Variants in CTNND2 observed in about 807,000 individuals in gnomAD.
The protein encoded by CTNND2 is catenin delta-2.
Under a neutral mutation model 144.4 loss-of-function variants are expected in CTNND2, and 22 were observed. That is an observed-to-expected ratio of 0.15 (90% confidence interval 0.11 to 0.22). The LOEUF (loss-of-function observed/expected upper bound fraction) is 0.22, where lower values mean the gene tolerates loss of function less well. CTNND2 is among the 10% of genes least tolerant of loss of function. The pLI is 1.00. For synonymous variants in CTNND2, 751 were observed against 695.6 expected, an observed-to-expected ratio of 1.08 and a Z score of -1.25; for missense variants, 1,353 against 1,618.8, an observed-to-expected ratio of 0.84 and a Z score of 2.82.
In CTNND2 at chr5:11,385,012, G is replaced by A; in HGVS notation, c.830C>T (p.Pro277Leu). The change falls in exon 7 of 22, where the codon CCC (proline) becomes CTC (leucine). Residue 277 changes from proline to leucine, a missense_variant. Around this residue, in one of 4 missense-constraint regions of CTNND2, gnomAD observed 708 missense variants for 706.4 expected, o/e 1.00. Transcript: ENST00000304623. ...SPLAAPQGGS[P>L]TKLQRGGSAP... ...CGAGCCGCCGCGCTGCAGCTTGGTGGGCGAACCGCCCTGGGGCGCGGCCAG... is the reference window on the plus strand; with the variant it reads ...CGAGCCGCCGCGCTGCAGCTTGGTGAGCGAACCGCCCTGGGGCGCGGCCAG... 6.8e-7 allele frequency: 1 copy of A among 1,470,230 alleles called. No homozygotes were observed. The highest frequency in any genetic ancestry group is 8.9e-7 in the Non-Finnish European group (1 of 1,117,918). The allele number at this position is 1,470,230 out of a possible 1,614,324, so 91.1% of individuals were successfully genotyped here. A position where few individuals can be genotyped will look rare whatever the true frequency, so the allele number is the denominator to read the frequency against.
At chr5:11,595,382 T>C (rs2561624) in intron 2 of CTNND2, among the ~76,000 whole-genome samples, 75,832 of 152,064 alleles carry the variant, frequency 0.5, 19,773 homozygotes, top group Middle Eastern at 0.7. Context: ...ATGTATATGT[T>C]ATCACACACT....
At chr5:11,379,353 T>C (rs954159523) in intron 7 of CTNND2, among the ~76,000 whole-genome samples, 22 of 152,184 alleles carry the variant, frequency 1.4e-4, no homozygotes, top group South Asian at 2.1e-4. Flanking sequence ...ATCACGTACA[T>C]TTAAGACTAC....
intron 10 of CTNND2, among the ~76,000 whole-genome samples, chr5:11,202,115 G>C (rs1167400500): frequency 6.6e-6 from 1 of 151,998 alleles, no homozygotes; most frequent in East Asian, 1.9e-4. Context: ...TTCTTGCAGT[G>C]AATCTATTGG....
intron 1 of CTNND2, among the ~76,000 whole-genome samples, chr5:11,832,065 T>C (rs901944840): frequency 7.3e-5 from 11 of 151,696 alleles, no homozygotes; most frequent in African/African-American, 2.7e-4. Context: ...AGGTGGATCA[T>C]GAGGTCAAGA....
Position 11,081,396 on chromosome 5 carries a change from T to G in CTNND2, c.2788+1300A>C, listed in dbSNP as rs1468844586. Among the ~76,000 whole-genome samples, 5 of 152,250 alleles carry G rather than the reference T, an allele frequency of 3.3e-5. No homozygotes were observed. In the East Asian group the frequency reaches 9.6e-4, roughly 29 times the overall value. ...CTTGATTTAATCAGTTCACATTGTA[T>G]GCATTCAGGTTGAGAACCCCTTATC... On this transcript the variant is annotated intron_variant, in intron 16 of 21. Coordinates refer to ENST00000304623, the MANE Select transcript of CTNND2 (RefSeq NM_001332.4).
chr5:11,188,987 AT>A (rs1560993989), intron 11 of CTNND2, among the ~76,000 whole-genome samples: 1 of 152,146 alleles, frequency 6.6e-6, no homozygotes, highest in Non-Finnish European at 1.5e-5. Context: ...TTACAGATTT[AT>A]TTGTCTCAGT....
chr5:11,734,481 A>G (rs150492005), intron 1 of CTNND2, among the ~76,000 whole-genome samples: 184 of 152,312 alleles, frequency 1.2e-3, no homozygotes, highest in Middle Eastern at 6.8e-3. Flanking sequence ...GGACTGAAGT[A>G]TTTGTTACAT....
At chr5:11,520,459 C>G (rs1457467394) in intron 3 of CTNND2, among the ~76,000 whole-genome samples, 1 of 152,218 alleles carries the variant, frequency 6.6e-6, no homozygotes, top group Non-Finnish European at 1.5e-5. Flanking sequence ...AGCAGGAATG[C>G]CAAAACTCAT....
intron 15 of CTNND2, among the ~76,000 whole-genome samples, chr5:11,090,308 C>T (rs1372532246): frequency 6.6e-6 from 1 of 152,164 alleles, no homozygotes; most frequent in African/African-American, 2.4e-5. Context: ...TTAAACTGGG[C>T]TGAAAATGGG....
At chr5:11,711,351 C>T (rs984701776) in intron 2 of CTNND2, among the ~76,000 whole-genome samples, 1 of 152,180 alleles carries the variant, frequency 6.6e-6, no homozygotes, top group South Asian at 2.1e-4. Flanking sequence ...GCCACCACGC[C>T]GGGCCGACTG....
At chr5:11,372,783 T>G (rs908412503) in intron 7 of CTNND2, among the ~76,000 whole-genome samples, 2 of 152,244 alleles carry the variant, frequency 1.3e-5, no homozygotes, top group Admixed American at 1.3e-4. Flanking sequence ...AGGTTCTTCA[T>G]TTTTAGCAAG....
At chr5:11,278,551 A>G (rs1423408609) in intron 9 of CTNND2, among the ~76,000 whole-genome samples, 1 of 152,168 alleles carries the variant, frequency 6.6e-6, no homozygotes, top group East Asian at 1.9e-4. Flanking sequence ...AGTGGCCAGG[A>G]AAGACCTCAG....
intron 1 of CTNND2, among the ~76,000 whole-genome samples, chr5:11,881,884 T>C (rs1422659677): frequency 6.6e-6 from 1 of 152,108 alleles, no homozygotes; most frequent in East Asian, 1.9e-4. Context: ...CTCCACATTC[T>C]TGCCAGCATT....
At chr5:11,065,566 T>C (rs1260293073) in intron 16 of CTNND2, among the ~76,000 whole-genome samples, 1 of 152,214 alleles carries the variant, frequency 6.6e-6, no homozygotes, top group East Asian at 1.9e-4. Flanking sequence ...CCAATATTCA[T>C]CACCCACTCT....
At chr5:11,778,035 T>G (rs1448884050) in intron 1 of CTNND2, among the ~76,000 whole-genome samples, 1 of 152,130 alleles carries the variant, frequency 6.6e-6, no homozygotes, top group East Asian at 1.9e-4. Context: ...TGTGATCTCT[T>G]TTAATTTTAG....
chr5:11,535,307 G>C (rs143266171), intron 3 of CTNND2, among the ~76,000 whole-genome samples: 1 of 152,064 alleles, frequency 6.6e-6, no homozygotes, highest in East Asian at 1.9e-4. Context: ...ACTGCCTCCA[G>C]TTCTTGTCAA....
chr5:11,742,801 AT>A lies in CTNND2; in HGVS notation c.38-10530del, dbSNP rs560878584. Among the ~76,000 whole-genome samples, 319 of 152,372 alleles carry A rather than the reference AT, an allele frequency of 2.1e-3. 1 individual carries two copies. Among genetic ancestry groups the A allele is most frequent in the African/African-American group, 7.4e-3 (306 of 41,590 alleles). ...GACTCCTACTACGTATAATTGAAGA[AT>A]AAGCATAAACATCTTTTTATGCATA... On this transcript the variant is annotated intron_variant, in intron 1 of 21. Transcript: ENST00000304623.
At chr5:11,513,195 A>C (rs2150028079) in intron 3 of CTNND2, among the ~76,000 whole-genome samples, 1 of 152,314 alleles carries the variant, frequency 6.6e-6, no homozygotes, top group African/African-American at 2.4e-5. Context: ...AGCTGTGTGC[A>C]CAACTCAATG....
chr5:11,257,610 G>T (rs547134671), intron 9 of CTNND2, among the ~76,000 whole-genome samples: 1 of 152,202 alleles, frequency 6.6e-6, no homozygotes, highest in African/African-American at 2.4e-5. Flanking sequence ...CAGCATGGGA[G>T]AAACCACCCT....
Sources: gnomAD v4.1 joint callset for allele counts (sites outside exome capture counted in the v4.1 genomes callset) on GRCh38, gnomAD v4.1.1 for gene constraint, gnomAD v4.1.1 regional missense constraint, MANE v1.5 for transcripts, NCBI Gene and HGNC (gene_info 2026-07-23, HGNC 2026-07-21) for gene names.